The following OR56A3 variants were observed in gnomAD, a reference collection of about 807,000 sequenced individuals.
OR56A3 encodes the protein olfactory receptor 56A3.
A neutral mutation model predicts 17.5 loss-of-function variants in OR56A3; 23 were observed. That is an observed-to-expected ratio of 1.32 (90% CI 0.95 to 1.87). The LOEUF (loss-of-function observed/expected upper bound fraction) is 1.87, where lower values mean the gene tolerates loss of function less well. OR56A3 is among the 40% of genes most tolerant of loss of function. The pLI is 0.00. For synonymous variants in OR56A3, 175 were observed against 150.6 expected (o/e 1.16, Z -1.19); for missense variants, 366 against 380.1 (o/e 0.96, Z 0.31).
chr11:6,011,208 A>ACATATATATATATG, the OR56A3 span, among the ~76,000 whole-genome samples: 3 of 148,636 alleles, frequency 2.0e-5, no homozygotes, highest in Non-Finnish European at 4.5e-5. Context: ...TTTATTTTAT[A>ACATATATATATATG]TATATATATA....
chr11:5,991,346 T>G, the OR56A3 span, among the ~76,000 whole-genome samples: 1 of 152,202 alleles, frequency 6.6e-6, no homozygotes, highest in Non-Finnish European at 1.5e-5. Context: ...AGCCCTCCCC[T>G]AATCATTTTC....
chr11:6,007,475 C>T, the OR56A3 span, among the ~76,000 whole-genome samples: 6 of 152,016 alleles, frequency 3.9e-5, no homozygotes, highest in Admixed American at 1.3e-4. Context: ...GAAAAGGTAA[C>T]GATGTAAAGC....
At chr11:5,992,542 G>A in the OR56A3 span, among the ~76,000 whole-genome samples, 1 of 152,188 alleles carries the variant, frequency 6.6e-6, no homozygotes, top group South Asian at 2.1e-4. Context: ...CTGCTTCAGA[G>A]TGTGTTTCTG....
the OR56A3 span, chr11:6,006,364 C>A: frequency 6.6e-6 from 1 of 152,154 alleles, no homozygotes; most frequent in East Asian, 1.9e-4. Context: ...GCATTGTTTT[C>A]GATCTTCAGT....
chr11:6,003,735 A>G, the OR56A3 span, among the ~76,000 whole-genome samples: 54 of 152,176 alleles, frequency 3.5e-4, no homozygotes, highest in Non-Finnish European at 6.2e-4. Flanking sequence ...TAATGACACA[A>G]CGTTGTGTGA....
At chr11:6,007,944 C>A in the OR56A3 span, among the ~76,000 whole-genome samples, 1 of 152,178 alleles carries the variant, frequency 6.6e-6, no homozygotes, top group African/African-American at 2.4e-5. Flanking sequence ...ATTTTATCTT[C>A]ATGGCTTTTC....
the OR56A3 span, among the ~76,000 whole-genome samples, chr11:5,988,017 T>G: frequency 6.6e-6 from 1 of 152,214 alleles, no homozygotes; most frequent in South Asian, 2.1e-4. Flanking sequence ...TTATCTTTTT[T>G]GCATTACTTT....
chr11:5,992,798 G>A, the OR56A3 span, among the ~76,000 whole-genome samples: 1 of 152,138 alleles, frequency 6.6e-6, no homozygotes, highest in South Asian at 2.1e-4. Flanking sequence ...GCTTCCCACT[G>A]AAATAACAGA....
chr11:6,004,792 A>G, the OR56A3 span, among the ~76,000 whole-genome samples: 3 of 152,202 alleles, frequency 2.0e-5, no homozygotes, highest in Non-Finnish European at 4.4e-5. Flanking sequence ...AATCTCAAGT[A>G]TAGCTACTCT....
At chr11:5,957,893 A>G in the OR56A3 span, among the ~76,000 whole-genome samples, 1 of 152,182 alleles carries the variant, frequency 6.6e-6, no homozygotes, top group South Asian at 2.1e-4. Flanking sequence ...TCTAGATTTG[A>G]TGAGTTTTAA....
the OR56A3 span, among the ~76,000 whole-genome samples, chr11:6,017,570 C>A: frequency 8.5e-5 from 13 of 152,090 alleles, no homozygotes; most frequent in Admixed American, 3.9e-4. Flanking sequence ...ATAATTCAAT[C>A]GCCTCTCACT....
At chr11:5,968,372 G>C in the OR56A3 span, 11 of 1,613,802 alleles carry the variant, frequency 6.8e-6, no homozygotes, top group Non-Finnish European at 9.3e-6. Context: ...TGGCCCCCAT[G>C]GCCAGGAGGA....
the OR56A3 span, among the ~76,000 whole-genome samples, chr11:5,963,578 C>T: frequency 3.1e-4 from 47 of 152,134 alleles, no homozygotes; most frequent in African/African-American, 9.9e-4. Flanking sequence ...CATATTGGAG[C>T]TTCTTTATAT....
At chr11:5,963,664 T>G in the OR56A3 span, among the ~76,000 whole-genome samples, 3 of 152,146 alleles carry the variant, frequency 2.0e-5, no homozygotes, top group Non-Finnish European at 2.9e-5. Flanking sequence ...TTATAATATG[T>G]CTTGGAGTAG....
At chr11:6,019,715 T>C in the OR56A3 span, 1 of 152,240 alleles carries the variant, frequency 6.6e-6, no homozygotes, top group East Asian at 1.9e-4. Context: ...AAAAAGACAA[T>C]ATGTCAGGCA....
At chr11:5,972,764 G>C in the OR56A3 span, among the ~76,000 whole-genome samples, 1 of 152,148 alleles carries the variant, frequency 6.6e-6, no homozygotes, top group African/African-American at 2.4e-5. Flanking sequence ...GAGTAGGTGG[G>C]ATTACAGGCG....
chr11:6,021,586 T>C, the OR56A3 span: 167 of 152,068 alleles, frequency 1.1e-3, no homozygotes, highest in African/African-American at 3.0e-3. Flanking sequence ...AAGTAGAAAG[T>C]AGGTTCAAAT....
the OR56A3 span, among the ~76,000 whole-genome samples, chr11:5,992,060 G>A: frequency 6.6e-6 from 1 of 152,222 alleles, no homozygotes; most frequent in Non-Finnish European, 1.5e-5. Flanking sequence ...TGTCCTGACA[G>A]TGTGCTAGGA....
chr11:5,959,577 A>G, the OR56A3 span, among the ~76,000 whole-genome samples: 2 of 152,178 alleles, frequency 1.3e-5, no homozygotes, highest in African/African-American at 4.8e-5. Flanking sequence ...TATATTTCAC[A>G]AATACTTTCT....
Sources: allele counts gnomAD v4.1 joint callset (sites outside exome capture counted in the v4.1 genomes callset), GRCh38; gene constraint gnomAD v4.1.1; transcripts MANE v1.5; gene names NCBI Gene and HGNC (gene_info 2026-07-23, HGNC 2026-07-21).